SEMA5B: variants seen among roughly 807,000 people sequenced by gnomAD.
SEMA5B encodes the protein semaphorin-5B.
Under a neutral mutation model 135.0 loss-of-function variants are expected in SEMA5B, and 66 were observed. The ratio of observed to expected loss-of-function variants is 0.49; its 90% CI spans 0.40 to 0.60. The LOEUF (loss-of-function observed/expected upper bound fraction) is 0.60, where lower values mean the gene tolerates loss of function less well. Among genes scored for constraint, SEMA5B ranks in the 20% least tolerant of loss-of-function variants. The pLI, the probability that SEMA5B is intolerant of heterozygous loss-of-function variation, is 0.00. For synonymous variants in SEMA5B, 690 were observed against 639.5 expected (o/e 1.08, Z -1.19); for missense variants, 1,501 against 1,566.3 (o/e 0.96, Z 0.70).
intron 1 of SEMA5B, among the ~76,000 whole-genome samples, chr3:123,001,271 A>T (rs1422032332): frequency 1.3e-5 from 2 of 152,074 alleles, no homozygotes; most frequent in East Asian, 3.9e-4. Context: ...GCCACAGCTC[A>T]GCCTCCCTGG....
At chr3:122,913,711 G>T in intron 15 of SEMA5B, 30 bp from the exon 16 acceptor site, 1 of 1,608,604 alleles carries the variant, frequency 6.2e-7, no homozygotes. Flanking sequence ...GTCAATCCAG[G>T]GAGGGGGACC....
chr3:122,982,676 T>C (rs910036218), intron 1 of SEMA5B, among the ~76,000 whole-genome samples: 4 of 151,882 alleles, frequency 2.6e-5, no homozygotes, highest in Non-Finnish European at 5.9e-5. Context: ...GCAGCCCAGA[T>C]CCCTTCATGC....
intron 14 of SEMA5B, among the ~76,000 whole-genome samples, 196 bp downstream of exon 14, chr3:122,915,244 T>C (rs866045539): frequency 6.6e-6 from 1 of 152,118 alleles, no homozygotes; most frequent in South Asian, 2.1e-4. Context: ...GATAGAAACT[T>C]CTCTCTCACT....
chr3:123,011,893 G>C (rs972472379), intron 1 of SEMA5B, among the ~76,000 whole-genome samples: 1 of 152,152 alleles, frequency 6.6e-6, no homozygotes, highest in Non-Finnish European at 1.5e-5. Context: ...GCAAGACAGC[G>C]CTTCTGAACA....
At chr3:122,952,505 TAAC>T (rs758463467) in intron 2 of SEMA5B, among the ~76,000 whole-genome samples, 14 of 152,206 alleles carry the variant, frequency 9.2e-5, no homozygotes, top group Non-Finnish European at 1.5e-4. Flanking sequence ...GGGATGATAA[TAAC>T]AACAACAACT....
intron 1 of SEMA5B, among the ~76,000 whole-genome samples, chr3:122,972,732 G>A (rs996913758): frequency 6.6e-6 from 1 of 152,154 alleles, no homozygotes; most frequent in African/African-American, 2.4e-5. Context: ...CCTTCATGTG[G>A]ATGGGTCCTT....
chr3:122,935,971 G>A (rs1466653074), intron 5 of SEMA5B, among the ~76,000 whole-genome samples: 2 of 152,088 alleles, frequency 1.3e-5, no homozygotes, highest in African/African-American at 4.8e-5. Context: ...GGGAATACAG[G>A]AGTGAGCCAC....
intron 2 of SEMA5B, among the ~76,000 whole-genome samples, chr3:122,960,221 T>G (rs912233994): frequency 1.6e-4 from 25 of 152,194 alleles, no homozygotes; most frequent in African/African-American, 6.0e-4. Flanking sequence ...TTCTACTCAC[T>G]TCCCCCAGTA....
At chr3:122,915,225 T>A (rs1367127696) in intron 14 of SEMA5B, among the ~76,000 whole-genome samples, 1 of 152,092 alleles carries the variant, frequency 6.6e-6, no homozygotes, top group Non-Finnish European at 1.5e-5. Flanking sequence ...GCATCAAGAG[T>A]CACCAAGAGA....
At chr3:122,928,870 C>G (rs2107658014) in intron 6 of SEMA5B, 126 bp downstream of exon 6, 1 of 947,008 alleles carries the variant, frequency 1.1e-6, no homozygotes, top group South Asian at 1.6e-5. Context: ...GCCCAAGGAG[C>G]CCCAGCTCAT....
At chr3:122,982,883 G>C (rs1286458675) in intron 1 of SEMA5B, among the ~76,000 whole-genome samples, 2 of 152,226 alleles carry the variant, frequency 1.3e-5, no homozygotes, top group African/African-American at 2.4e-5. Context: ...GGTCACCCGG[G>C]AATGGGGTGG....
intron 3 of SEMA5B, among the ~76,000 whole-genome samples, chr3:122,945,275 G>A (rs1278407074): frequency 6.6e-6 from 1 of 152,162 alleles, no homozygotes; most frequent in African/African-American, 2.4e-5. Flanking sequence ...ATTATAGGTT[G>A]GTGACTATAG....
At chr3:122,934,250 A>T (rs112869057) in intron 5 of SEMA5B, among the ~76,000 whole-genome samples, 18 of 152,218 alleles carry the variant, frequency 1.2e-4, no homozygotes, top group Middle Eastern at 3.4e-3. Flanking sequence ...AATTGATTGT[A>T]ATACCTAAAG....
chr3:123,024,785 T>C (rs573446828), intron 1 of SEMA5B, among the ~76,000 whole-genome samples: 28 of 152,326 alleles, frequency 1.8e-4, no homozygotes, highest in South Asian at 4.1e-4. Context: ...AATCTTAATA[T>C]CTTTATCTAT....
intron 2 of SEMA5B, among the ~76,000 whole-genome samples, chr3:122,959,355 G>A (rs1940476674): frequency 6.6e-6 from 1 of 152,196 alleles, no homozygotes; most frequent in African/African-American, 2.4e-5. Context: ...TCGGGCTCAG[G>A]AGTCTGCCCC....
intron 1 of SEMA5B, among the ~76,000 whole-genome samples, chr3:122,993,493 C>T (rs376128649): frequency 1.4e-4 from 21 of 152,160 alleles, no homozygotes; most frequent in African/African-American, 4.6e-4. Flanking sequence ...GTGTAATGCC[C>T]TGGCTTAGAG....
rs1165880600 is a variant in SEMA5B at position 122,971,947 on chromosome 3, A to G, written c.-38-10646T>C. On this transcript the variant is annotated intron_variant, in intron 1 of 22. Transcript: ENST00000357599. ...AGCAACAACAACAGCAATCATAACA[A>G]CTTCTTCACAGACTTGTGAAGGTGA... Among the ~76,000 whole-genome samples, 7 of 152,328 alleles carry G rather than the reference A, an allele frequency of 4.6e-5. No individual in the cohort carries two copies. The East Asian group carries it at 1.3e-3, about 29-fold the overall frequency.
rs772723887 is a variant in SEMA5B, at chr3:122,912,843, C to A, written c.2725G>T (p.Val909Phe). ...AAGGATTCCTTCCGTGCAGGGTTAC[C>A]TGGGCAAGCCTGGGGGTTGCAGTCC... ...YQDCNPQACPVRGAWSCWTSW... is the reference protein window; with the variant it reads ...YQDCNPQACPFRGAWSCWTSW... Residue 909 changes from valine to phenylalanine, a missense_variant and splice_region_variant, in exon 18 of 23, where the codon GTT becomes TTT. This residue lies in a region of SEMA5B where 927 missense variants were observed against 881.6 expected (regional missense o/e 1.05). Coordinates refer to ENST00000357599, the MANE Select transcript of SEMA5B (RefSeq NM_001031702.4). The A allele has an allele frequency of 1.3e-6, 2 of 1,570,404 alleles. No individual in the cohort carries two copies. Among genetic ancestry groups the A allele is most frequent in the African/African-American group, 1.4e-5 (1 of 72,948 alleles).
rs550820436 is a variant in SEMA5B, at chr3:122,922,883, A to G, written c.1273-436T>C. Among the ~76,000 whole-genome samples, 3 of 69,082 alleles carry G rather than the reference A, an allele frequency of 4.3e-5. No individual in the cohort carries two copies. The South Asian group carries it at 1.6e-3, about 38-fold the overall frequency. The allele number at this position is 69,082 out of a possible 152,430, so 45.3% of individuals were successfully genotyped here. A position where few individuals can be genotyped will look rare whatever the true frequency, so the allele number is the denominator to read the frequency against. Reference sequence around the variant, plus strand: ...CTAAACCAAAGCTGGAAGCCTTCTGAGCATCTCCTACATTCCAGGCATATG... The same window carrying G: ...CTAAACCAAAGCTGGAAGCCTTCTGGGCATCTCCTACATTCCAGGCATATG... On this transcript the variant is annotated intron_variant, in intron 10 of 22. Coordinates refer to ENST00000357599, the MANE Select transcript of SEMA5B (RefSeq NM_001031702.4).
Sources: gnomAD v4.1 joint callset for allele counts (sites outside exome capture counted in the v4.1 genomes callset) on GRCh38, gnomAD v4.1.1 for gene constraint, gnomAD v4.1.1 regional missense constraint, MANE v1.5 for transcripts, NCBI Gene and HGNC (gene_info 2026-07-23, HGNC 2026-07-21) for gene names.